The following GRIA4 variants were observed in gnomAD, a reference collection of about 807,000 sequenced individuals.
GRIA4 encodes the protein glutamate receptor 4.
In GRIA4, 34 loss-of-function variants were observed where a neutral mutation model predicts 104.0. The observed-to-expected ratio is 0.33, with a 90% CI of 0.25 to 0.44. The LOEUF is 0.44. Ranked by LOEUF, GRIA4 falls within the 20% of genes least tolerant of loss-of-function variation. GRIA4 has a pLI of 1.00. For synonymous variants in GRIA4, 386 were observed against 381.9 expected, an observed-to-expected ratio of 1.01 and a Z score of -0.13; for missense variants, 750 against 1,096.5, an observed-to-expected ratio of 0.68 and a Z score of 4.46.
intron 5 of GRIA4, among the ~76,000 whole-genome samples, chr11:105,883,209 T>A (rs1453446464): frequency 6.6e-6 from 1 of 152,076 alleles, no homozygotes; most frequent in South Asian, 2.1e-4. Flanking sequence ...GTATAATTGA[T>A]CCTTCCTAAG....
chr11:105,750,123 C>G (rs992711684), intron 3 of GRIA4, among the ~76,000 whole-genome samples: 2 of 151,978 alleles, frequency 1.3e-5, no homozygotes, highest in Non-Finnish European at 2.9e-5. Flanking sequence ...TTCAGCCAAG[C>G]AAAATTTTGA....
At chr11:105,800,638 CTGAA>C (rs2135835213) in intron 4 of GRIA4, among the ~76,000 whole-genome samples, 2 of 152,120 alleles carry the variant, frequency 1.3e-5, no homozygotes, top group African/African-American at 4.8e-5. Flanking sequence ...TTGATGCATT[CTGAA>C]TGAATAAGAA....
intron 10 of GRIA4, among the ~76,000 whole-genome samples, chr11:105,913,707 G>A (rs1947322023): frequency 6.6e-6 from 1 of 152,022 alleles, no homozygotes; most frequent in Non-Finnish European, 1.5e-5. Context: ...GAAAAGGGGA[G>A]ATAATACAGT....
intron 4 of GRIA4, among the ~76,000 whole-genome samples, chr11:105,850,912 G>T (rs574905525): frequency 4.6e-5 from 7 of 152,186 alleles, no homozygotes; most frequent in African/African-American, 1.7e-4. Context: ...AAACTGAATG[G>T]AATTAAGTTT....
At chr11:105,760,691 CTTCAA>C (rs1940580790) in intron 4 of GRIA4, among the ~76,000 whole-genome samples, 1 of 151,800 alleles carries the variant, frequency 6.6e-6, no homozygotes, top group African/African-American at 2.4e-5. Context: ...TTAACCAATG[CTTCAA>C]TTCCTTTCAT....
intron 14 of GRIA4, among the ~76,000 whole-genome samples, chr11:105,960,231 G>C (rs1164489871): frequency 2.6e-5 from 4 of 152,366 alleles, no homozygotes; most frequent in South Asian, 4.1e-4. Flanking sequence ...AAGTCTGCTG[G>C]TCCGCAGAGA....
At chr11:105,757,926 A>T (rs1036745736) in intron 4 of GRIA4, among the ~76,000 whole-genome samples, 1 of 152,132 alleles carries the variant, frequency 6.6e-6, no homozygotes, top group African/African-American at 2.4e-5. Context: ...ATTTTAATGA[A>T]TTTTTTGAAA....
rs1591288602 is a variant in GRIA4 at position 105,808,094 on chromosome 11, T to A, written c.488-53930T>A. Among the ~76,000 whole-genome samples, 6 of 152,068 alleles carry A rather than the reference T, an allele frequency of 3.9e-5. No individual in the cohort carries two copies. In the South Asian group the frequency reaches 1.2e-3, roughly 32 times the overall value. On this transcript the variant is annotated intron_variant, in intron 4 of 16. Transcript: ENST00000282499. ...TTAAAGAGATAGATCCTACTCTGCA[T>A]TTCATAGTGTTGTTCGTGTGTGTGT...
chr11:105,883,729 A>G (rs1454679823), intron 5 of GRIA4, among the ~76,000 whole-genome samples: 1 of 152,168 alleles, frequency 6.6e-6, no homozygotes, highest in Non-Finnish European at 1.5e-5. Flanking sequence ...TAGTGCTGCA[A>G]TAAACATACG....
intron 3 of GRIA4, among the ~76,000 whole-genome samples, chr11:105,736,468 G>T (rs765804052): frequency 6.6e-6 from 1 of 151,902 alleles, no homozygotes; most frequent in Non-Finnish European, 1.5e-5. Context: ...CACAATTTCC[G>T]AAAGTTATTT....
intron 9 of GRIA4, among the ~76,000 whole-genome samples, chr11:105,906,434 T>A (rs1947043033): frequency 6.6e-6 from 1 of 151,986 alleles, no homozygotes; most frequent in Admixed American, 6.6e-5. Flanking sequence ...AGAGTTTGGA[T>A]AGGATGAAAT....
intron 3 of GRIA4, among the ~76,000 whole-genome samples, chr11:105,746,349 C>T (rs931670234): frequency 1.3e-5 from 2 of 150,590 alleles, no homozygotes; most frequent in African/African-American, 4.9e-5. Flanking sequence ...GAAAATCATG[C>T]TATTGTTAGA....
intron 7 of GRIA4, among the ~76,000 whole-genome samples, chr11:105,901,437 T>C (rs980810063): frequency 2.0e-5 from 3 of 152,134 alleles, no homozygotes; most frequent in East Asian, 3.9e-4. Flanking sequence ...TAATCACTTA[T>C]CAGAGCAGTA....
chr11:105,724,065 G>A (rs1938017857), intron 3 of GRIA4, among the ~76,000 whole-genome samples: 1 of 152,028 alleles, frequency 6.6e-6, no homozygotes, highest in Non-Finnish European at 1.5e-5. Context: ...GTGTTGGTGG[G>A]AATGTAAATT....
chr11:105,728,428 A>G (rs1642181693), intron 3 of GRIA4, among the ~76,000 whole-genome samples: 1 of 152,188 alleles, frequency 6.6e-6, no homozygotes, highest in African/African-American at 2.4e-5. Context: ...CCCCACTGTC[A>G]ATATTAGATA....
intron 4 of GRIA4, among the ~76,000 whole-genome samples, chr11:105,850,695 C>T (rs1019574420): frequency 6.6e-5 from 10 of 152,238 alleles, no homozygotes; most frequent in African/African-American, 2.2e-4. Flanking sequence ...TGGGCTAGAG[C>T]TACCAGAGAC....
At chr11:105,783,221 A>G (rs1941806742) in intron 4 of GRIA4, among the ~76,000 whole-genome samples, 1 of 152,210 alleles carries the variant, frequency 6.6e-6, no homozygotes, top group South Asian at 2.1e-4. Flanking sequence ...AAGGAGGAAA[A>G]GAAAATATGC....
intron 4 of GRIA4, among the ~76,000 whole-genome samples, chr11:105,822,037 G>T (rs557118990): frequency 4.6e-5 from 7 of 152,234 alleles, no homozygotes; most frequent in African/African-American, 1.7e-4. Flanking sequence ...GTTACAAAGA[G>T]ATGCTAATAC....
intron 7 of GRIA4, among the ~76,000 whole-genome samples, chr11:105,900,059 G>A (rs1946800244): frequency 6.6e-6 from 1 of 152,138 alleles, no homozygotes; most frequent in Admixed American, 6.5e-5. Context: ...CAAGGAAACA[G>A]TGTTTCCTTG....
Sources: gnomAD v4.1 joint callset for allele counts (sites outside exome capture counted in the v4.1 genomes callset) on GRCh38, gnomAD v4.1.1 for gene constraint, MANE v1.5 for transcripts, NCBI Gene and HGNC (gene_info 2026-07-23, HGNC 2026-07-21) for gene names.